ROBO2: variants seen among roughly 807,000 people sequenced by gnomAD.
The protein encoded by ROBO2 is roundabout homolog 2.
ROBO2 carries 53 observed loss-of-function variants against 160.8 expected under a neutral mutation model. The ratio of observed to expected loss-of-function variants is 0.33; its 90% CI spans 0.26 to 0.41. The LOEUF is 0.41. Ranked by LOEUF, ROBO2 falls within the 10% of genes least tolerant of loss-of-function variation. ROBO2 has a pLI of 1.00. For synonymous variants in ROBO2, 664 were observed against 611.7 expected, an observed-to-expected ratio of 1.09 and a Z score of -1.26; for missense variants, 1,577 against 1,722.4, an observed-to-expected ratio of 0.92 and a Z score of 1.49.
At chr3:77,622,303 G>A (rs2094918485) in exon 23 of ROBO2, 1 of 1,614,110 alleles carries the variant, frequency 6.2e-7, no homozygotes, top group South Asian at 1.1e-5. Flanking sequence ...CTTGATTTCT[G>A]ATTTGGAAAC....
chr3:76,235,613 AC>A (rs1484730631), intron 2 of ROBO2, among the ~76,000 whole-genome samples: 1 of 152,196 alleles, frequency 6.6e-6, no homozygotes, highest in Non-Finnish European at 1.5e-5. Context: ...ACTTAAAGAG[AC>A]ATAAAAATTT....
chr3:76,447,441 G>C, intron 2 of ROBO2, among the ~76,000 whole-genome samples: 1 of 149,366 alleles, frequency 6.7e-6, no homozygotes, highest in East Asian at 2.0e-4. Context: ...TACACTGTTG[G>C]TGGGACTGTA....
Position 76,717,731 on chromosome 3 carries a change from ATC to A in ROBO2, c.110-380279_110-380278del, listed in dbSNP as rs1230254246. ...ACTCTAAAGCAGGTCTTAAAAAAGA[ATC>A]TCTATAATTTGCAATCAAAGGAATC... On this transcript the variant is annotated intron_variant, in intron 2 of 26. Coordinates refer to the ROBO2 transcript ENST00000487694. 2.6e-5 allele frequency among the ~76,000 whole-genome samples: 4 copies of A among 152,170 alleles called. No individual in the cohort carries two copies. The East Asian group carries it at 5.8e-4, about 22-fold the overall frequency.
At chr3:77,421,528 G>A (rs1338630292) in intron 2 of ROBO2, among the ~76,000 whole-genome samples, 1 of 152,084 alleles carries the variant, frequency 6.6e-6, no homozygotes, top group African/African-American at 2.4e-5. Context: ...TAACGCCATA[G>A]AAATAAGTAG....
intron 2 of ROBO2, among the ~76,000 whole-genome samples, 194 bp downstream of exon 2, chr3:77,098,534 C>T (rs557708441): frequency 6.6e-6 from 1 of 152,158 alleles, no homozygotes; most frequent in Admixed American, 6.5e-5. Context: ...TATATGAAAT[C>T]AAGATGACCA....
intron 2 of ROBO2, among the ~76,000 whole-genome samples, chr3:76,065,125 A>G (rs2068208894): frequency 6.6e-6 from 1 of 152,116 alleles, no homozygotes; most frequent in Non-Finnish European, 1.5e-5. Flanking sequence ...AAGAAACGAA[A>G]AATTTGGAGC....
At chr3:76,139,857 G>T (rs2106745581) in intron 2 of ROBO2, among the ~76,000 whole-genome samples, 1 of 152,126 alleles carries the variant, frequency 6.6e-6, no homozygotes, top group Admixed American at 6.6e-5. Flanking sequence ...AGAACTAATG[G>T]GAATGGCCAT....
intron 2 of ROBO2, among the ~76,000 whole-genome samples, chr3:76,428,513 A>T (rs1328945403): frequency 6.6e-6 from 1 of 151,972 alleles, no homozygotes; most frequent in East Asian, 1.9e-4. Context: ...ATAAAAGGAG[A>T]GAAAAAATGC....
At chr3:76,228,924 A>T (rs1704454997) in intron 2 of ROBO2, among the ~76,000 whole-genome samples, 1 of 152,106 alleles carries the variant, frequency 6.6e-6, no homozygotes, top group African/African-American at 2.4e-5. Flanking sequence ...AGATGGGAGG[A>T]TTGTTTGAGC....
At chr3:77,415,009 G>A (rs2153526276) in intron 2 of ROBO2, among the ~76,000 whole-genome samples, 1 of 152,272 alleles carries the variant, frequency 6.6e-6, no homozygotes, top group African/African-American at 2.4e-5. Flanking sequence ...GGTGGAATGA[G>A]CCCTAAGATA....
At chr3:75,958,221 C>T (rs1948787096) in intron 2 of ROBO2, among the ~76,000 whole-genome samples, 1 of 151,718 alleles carries the variant, frequency 6.6e-6, no homozygotes, top group African/African-American at 2.4e-5. Context: ...ACTGCCTTGG[C>T]CAAACTCAAG....
chr3:76,676,486 A>G (rs568062807), intron 2 of ROBO2, among the ~76,000 whole-genome samples: 2 of 152,276 alleles, frequency 1.3e-5, no homozygotes, highest in East Asian at 3.9e-4. Context: ...GACTAATACA[A>G]CAAGGTATAA....
At chr3:76,808,503 A>C (rs2064915174) in intron 2 of ROBO2, among the ~76,000 whole-genome samples, 1 of 152,096 alleles carries the variant, frequency 6.6e-6, no homozygotes, top group Non-Finnish European at 1.5e-5. Flanking sequence ...AGAAGAAGAC[A>C]AAAAATAAGC....
chr3:77,417,426 A>T (rs975265929), intron 2 of ROBO2, among the ~76,000 whole-genome samples: 5 of 151,898 alleles, frequency 3.3e-5, no homozygotes, highest in Admixed American at 2.6e-4. Flanking sequence ...TTACTTGAAG[A>T]TACCCTTTTC....
intron 2 of ROBO2, among the ~76,000 whole-genome samples, chr3:76,909,181 C>G (rs1200893712): frequency 6.6e-6 from 1 of 152,168 alleles, no homozygotes; most frequent in Admixed American, 6.5e-5. Flanking sequence ...GAGCTGCGAT[C>G]AAATCACTGT....
intron 2 of ROBO2, among the ~76,000 whole-genome samples, chr3:77,296,108 G>A (rs553275822): frequency 1.3e-5 from 2 of 151,466 alleles, no homozygotes; most frequent in Non-Finnish European, 2.9e-5. Context: ...ATGGTTAAAC[G>A]GGTAGGCTGA....
chr3:77,385,541 T>C (rs1484867758), intron 2 of ROBO2, among the ~76,000 whole-genome samples: 1 of 152,078 alleles, frequency 6.6e-6, no homozygotes, highest in Non-Finnish European at 1.5e-5. Context: ...TGAAACAGAG[T>C]TTAACAATGA....
In ROBO2 at chr3:77,628,149, A is replaced by G. The variant is rs1408921947; in HGVS notation, c.3760+5717A>G. On this transcript the variant is annotated intron_variant, in intron 23 of 25. Transcript: ENST00000461745. ...AAATCAGGGAAATTTGGAAAGATTG[A>G]AAATGTAAACACAAATAAATTTGGC... is the stretch of plus-strand genomic sequence containing the variant. 2.0e-5 allele frequency among the ~76,000 whole-genome samples: 3 copies of G among 152,086 alleles called. No individual in the cohort carries two copies. The East Asian group carries it at 5.8e-4, about 29-fold the overall frequency.
At chr3:75,919,835 C>G (rs1388562605) in intron 1 of ROBO2, among the ~76,000 whole-genome samples, 3 of 151,996 alleles carry the variant, frequency 2.0e-5, no homozygotes, top group Non-Finnish European at 4.4e-5. Context: ...GAGGTGTTTA[C>G]AGTATTCTCT....
Sources: gnomAD v4.1 joint callset for allele counts (sites outside exome capture counted in the v4.1 genomes callset) on GRCh38, gnomAD v4.1.1 for gene constraint, MANE v1.5 for transcripts, NCBI Gene and HGNC (gene_info 2026-07-23, HGNC 2026-07-21) for gene names.